The following PDGFRA variants were observed in gnomAD, a reference collection of about 807,000 sequenced individuals.
The protein encoded by PDGFRA is platelet derived growth factor receptor alpha.
Under a neutral mutation model 121.5 loss-of-function variants are expected in PDGFRA, and 25 were observed. That is an observed-to-expected ratio of 0.21 (90% CI 0.15 to 0.29). The LOEUF (loss-of-function observed/expected upper bound fraction) is 0.29. Ranked by LOEUF, PDGFRA falls within the 10% of genes least tolerant of loss-of-function variation. The probability of loss-of-function intolerance (pLI) is 1.00; values close to 1 mark genes in which losing one functional copy is unlikely to be tolerated. For missense variants in PDGFRA, 1,008 were observed against 1,345.1 expected (o/e 0.75, Z 3.92); for synonymous variants, 463 against 494.8 (o/e 0.94, Z 0.85).
chr4:54,260,408 T>TG (rs763166140), intron 2 of PDGFRA, among the ~76,000 whole-genome samples: 23,481 of 132,898 alleles, frequency 0.18, 2,529 homozygotes, highest in Admixed American at 0.31. Flanking sequence ...TTTTTTTTTT[T>TG]TTTTTTTTTT....
At chr4:54,289,264 GA>G (rs1724511794) in intron 21 of PDGFRA, 150 bp downstream of exon 21, 3 of 696,834 alleles carry the variant, frequency 4.3e-6, no homozygotes, top group Non-Finnish European at 7.9e-6. Flanking sequence ...TGCTCCACGA[GA>G]CCCTAGTAGC....
At position 54,297,075 on chromosome 4, in the gene PDGFRA, AG is replaced by A. The variant is rs1368267863; in HGVS notation, c.*1804del. On this transcript the variant is annotated 3_prime_UTR_variant, in exon 23 of 23. Coordinates refer to ENST00000257290, the MANE Select transcript of PDGFRA (RefSeq NM_006206.6). ...CAGTGTTCCAAGTCTCTGTGTAACC[AG>A]CTCAGTGTTTTGGTGGAAAAAACAT... is the stretch of plus-strand genomic sequence containing the variant. 1 of 233,228 alleles carries A rather than the reference AG, an allele frequency of 4.3e-6. No individual in the cohort carries two copies. The highest frequency in any genetic ancestry group is 8.5e-6 in the Non-Finnish European group (1 of 118,010). 14.4% of individuals were successfully genotyped at this position (233,228 alleles called of 1,614,324 possible). A position where few individuals can be genotyped will look rare whatever the true frequency, so the allele number is the denominator to read the frequency against.
intron 1 of PDGFRA, among the ~76,000 whole-genome samples, chr4:54,233,294 C>T (rs1379858417): frequency 1.3e-5 from 2 of 152,192 alleles, no homozygotes; most frequent in African/African-American, 2.4e-5. Flanking sequence ...GCGCAGTGTT[C>T]CTCTGGGTCC....
intron 5 of PDGFRA, among the ~76,000 whole-genome samples, chr4:54,266,341 A>G (rs1723024093): frequency 6.6e-6 from 1 of 152,012 alleles, no homozygotes; most frequent in East Asian, 1.9e-4. Flanking sequence ...CCAGAGCATC[A>G]CTGTTTATAT....
At position 54,297,604 on chromosome 4, in the gene PDGFRA, AG is replaced by A. The variant is rs1724937655; in HGVS notation, c.*2333del. The A allele has an allele frequency of 4.3e-6, 1 of 233,548 alleles. No homozygotes were observed. The highest frequency in any genetic ancestry group is 1.8e-4 in the South Asian group (1 of 5,534). The allele number at this position is 233,548 out of a possible 1,614,324, so 14.5% of individuals were successfully genotyped here. A position where few individuals can be genotyped will look rare whatever the true frequency, so the allele number is the denominator to read the frequency against. On this transcript the variant is annotated 3_prime_UTR_variant, in exon 23 of 23. Coordinates refer to ENST00000257290, the MANE Select transcript of PDGFRA (RefSeq NM_006206.6). Reference sequence around the variant, plus strand: ...GCCGGATGAAACTTCTCAGTCCAGCAGTTTCCAGTCCTAACAAATGCTCCCA... The same window carrying A: ...GCCGGATGAAACTTCTCAGTCCAGCATTTCCAGTCCTAACAAATGCTCCCA...
intron 15 of PDGFRA, chr4:54,279,067 G>A: frequency 3.1e-6 from 1 of 319,154 alleles, no homozygotes; most frequent in Non-Finnish European, 6.4e-6. Flanking sequence ...TTGGGTAGAA[G>A]GAATTGTATG....
chr4:54,270,603 C>A, intron 7 of PDGFRA, 30 bp from the exon 8 acceptor site: 2 of 1,211,986 alleles, frequency 1.7e-6, no homozygotes, highest in Non-Finnish European at 2.5e-6. Context: ...TTAGCTACTG[C>A]TTGTTGAAAC....
intron 5 of PDGFRA, chr4:54,265,319 G>C: frequency 2.4e-6 from 1 of 417,594 alleles, no homozygotes; most frequent in Non-Finnish European, 4.5e-6. Context: ...ACAGAAATAG[G>C]AAGGTTCTCT....
intron 1 of PDGFRA, among the ~76,000 whole-genome samples, chr4:54,242,565 A>ATATG (rs948891038): frequency 1.3e-5 from 2 of 152,050 alleles, no homozygotes; most frequent in African/African-American, 4.8e-5. Flanking sequence ...ACACACATAT[A>ATATG]TATGTATGTA....
At chr4:54,249,527 C>T (rs541773984) in intron 1 of PDGFRA, among the ~76,000 whole-genome samples, 18 of 152,076 alleles carry the variant, frequency 1.2e-4, no homozygotes, top group African/African-American at 3.9e-4. Flanking sequence ...AGTAAACTAT[C>T]GCAAGAAGAA....
At chr4:54,248,132 C>T (rs1285866357) in intron 1 of PDGFRA, among the ~76,000 whole-genome samples, 1 of 152,148 alleles carries the variant, frequency 6.6e-6, no homozygotes, top group Non-Finnish European at 1.5e-5. Context: ...TGAAAATGGC[C>T]ATACTGCCTA....
At chr4:54,271,131 C>T (rs561931983) in intron 8 of PDGFRA, among the ~76,000 whole-genome samples, 1 of 152,278 alleles carries the variant, frequency 6.6e-6, no homozygotes, top group South Asian at 2.1e-4. Flanking sequence ...ACCTGCTTCT[C>T]AATCTGAGAA....
intron 11 of PDGFRA, 27 bp from the exon 12 acceptor site, chr4:54,274,814 C>T (rs1723624461): frequency 5.0e-6 from 8 of 1,613,760 alleles, no homozygotes; most frequent in Non-Finnish European, 5.9e-6. Flanking sequence ...TGGTAATTCA[C>T]CAGTTACCTG....
At chr4:54,285,994 T>C (rs1724343554) in intron 18 of PDGFRA, 31 bp downstream of exon 18, 1 of 1,608,752 alleles carries the variant, frequency 6.2e-7, no homozygotes, top group Non-Finnish European at 8.5e-7. Context: ...CTGGTCAGGC[T>C]CATCCTCCTT....
chr4:54,247,710 C>A lies in PDGFRA; in HGVS notation c.-12-11047C>A, dbSNP rs550323697. The stretch of plus-strand genomic sequence containing the variant: ...CACTCCTATTCAACATAGTGTTGGA[C>A]GTTCTGGCCAGGGCAATTAGGCAGG... On this transcript the variant is annotated intron_variant, in intron 1 of 22. Coordinates refer to ENST00000257290, the MANE Select transcript of PDGFRA (RefSeq NM_006206.6). 3.1e-4 allele frequency among the ~76,000 whole-genome samples: 47 copies of A among 152,142 alleles called. 1 individual carries two copies. In the East Asian group the frequency reaches 3.3e-3, roughly 11 times the overall value.
chr4:54,256,918 TG>T (rs1722405089), intron 1 of PDGFRA, among the ~76,000 whole-genome samples: 1 of 152,028 alleles, frequency 6.6e-6, no homozygotes, highest in Non-Finnish European at 1.5e-5. Context: ...GGGCTAGGCA[TG>T]GGGGTCAGCT....
intron 1 of PDGFRA, among the ~76,000 whole-genome samples, chr4:54,251,761 A>T (rs1722064553): frequency 6.6e-6 from 1 of 152,204 alleles, no homozygotes; most frequent in Admixed American, 6.5e-5. Context: ...CACCCAACTT[A>T]TACAGGTATT....
chr4:54,254,713 G>A (rs1421343022), intron 1 of PDGFRA, among the ~76,000 whole-genome samples: 2 of 152,210 alleles, frequency 1.3e-5, no homozygotes, highest in Non-Finnish European at 2.9e-5. Context: ...ATATTTACAT[G>A]TAGAAGCACA....
intron 1 of PDGFRA, among the ~76,000 whole-genome samples, chr4:54,237,059 A>G (rs1303169703): frequency 6.6e-6 from 1 of 151,694 alleles, no homozygotes; most frequent in Non-Finnish European, 1.5e-5. Flanking sequence ...ACCTCTGCCT[A>G]CTGGGTTGAA....
Sources: allele counts gnomAD v4.1 joint callset (sites outside exome capture counted in the v4.1 genomes callset), GRCh38; gene constraint gnomAD v4.1.1; transcripts MANE v1.5; gene names NCBI Gene and HGNC (gene_info 2026-07-23, HGNC 2026-07-21).